DDI2: variants seen among roughly 807,000 people sequenced by gnomAD.
DDI2 encodes the protein protein DDI1 homolog 2.
Under a neutral mutation model 48.1 loss-of-function variants are expected in DDI2, and 5 were observed. The observed-to-expected ratio is 0.10, with a 90% CI of 0.05 to 0.22. The LOEUF (loss-of-function observed/expected upper bound fraction) is 0.22, where lower values mean the gene tolerates loss of function less well. Among genes scored for constraint, DDI2 ranks in the 10% least tolerant of loss-of-function variants. DDI2 has a pLI of 1.00. For missense variants in DDI2, 285 were observed against 506.2 expected (o/e 0.56, Z 4.19); for synonymous variants, 205 against 183.6 (o/e 1.12, Z -0.94).
chr1:15,665,343 T>A lies in DDI2; in HGVS notation c.*5553T>A, dbSNP rs1254214958. Reference sequence around the variant, plus strand: ...GCGAGTGCATGTGTTAAAACTCTTCTGCCTTGCAGCCCACATCTTCTAGAG... The same window carrying A: ...GCGAGTGCATGTGTTAAAACTCTTCAGCCTTGCAGCCCACATCTTCTAGAG... On this transcript the variant is annotated 3_prime_UTR_variant, in exon 10 of 10. Coordinates refer to ENST00000480945, the MANE Select transcript of DDI2 (RefSeq NM_032341.5). 6.6e-6 allele frequency: 1 copy of A among 152,064 alleles called. No homozygotes were observed. The highest frequency in any genetic ancestry group is 1.5e-5 in the Non-Finnish European group (1 of 68,088). 9.4% of individuals were successfully genotyped at this position (152,064 alleles called of 1,614,324 possible).
At chr1:15,636,823 G>C (rs866150324) in intron 4 of DDI2, among the ~76,000 whole-genome samples, 9 of 152,332 alleles carry the variant, frequency 5.9e-5, no homozygotes, top group African/African-American at 1.9e-4. Context: ...CATACAATCT[G>C]TGTTGCTCAT....
At chr1:15,656,293 T>A (rs1183450195) in intron 8 of DDI2, 2 of 672,946 alleles carry the variant, frequency 3.0e-6, no homozygotes, top group African/African-American at 3.8e-5. Flanking sequence ...AAGATTTTTT[T>A]AATCACCTAA....
chr1:15,656,686 A>G lies in DDI2; in HGVS notation c.*46+7A>G. 2 of 1,614,064 alleles carry G rather than the reference A, an allele frequency of 1.2e-6. No homozygotes were observed. The highest frequency in any genetic ancestry group is 1.1e-5 in the South Asian group (1 of 91,068). The stretch of plus-strand genomic sequence containing the variant: ...GGAGTGGGCCCCAGACCAGGTATTT[A>G]TAGACACCATGTTAAGCCTTCCATC... On this transcript the variant is annotated splice_region_variant and intron_variant, in intron 9 of 9. Coordinates refer to ENST00000480945, the MANE Select transcript of DDI2 (RefSeq NM_032341.5).
chr1:15,652,876 C>T (rs1404868322), intron 8 of DDI2, among the ~76,000 whole-genome samples: 1 of 150,762 alleles, frequency 6.6e-6, no homozygotes, highest in African/African-American at 2.4e-5. Flanking sequence ...CAGTGGCACA[C>T]CCCCCGTAAC....
Position 15,652,458 on chromosome 1 carries a change from G to T in DDI2, c.1183+563G>T, listed in dbSNP as rs910215483. Among the ~76,000 whole-genome samples the T allele has an allele frequency of 1.1e-4, 12 of 104,382 alleles. 1 individual carries two copies. Among genetic ancestry groups the T allele is most frequent in the South Asian group, 8.5e-4 (2 of 2,348 alleles). 68.5% of individuals were successfully genotyped at this position (104,382 alleles called of 152,430 possible). A position where few individuals can be genotyped will look rare whatever the true frequency, so the allele number is the denominator to read the frequency against. On this transcript the variant is annotated intron_variant, in intron 8 of 9. Transcript: ENST00000480945. ...CTTTGGGAGGCTCCGGAGGGGGGGG[G>T]GGGGGGGCGGATCACCTGAGGTCAG... is the stretch of plus-strand genomic sequence containing the variant.
At chr1:15,641,959 A>G (rs1324545699) in intron 5 of DDI2, among the ~76,000 whole-genome samples, 15 of 76,806 alleles carry the variant, frequency 2.0e-4, no homozygotes, top group African/African-American at 9.3e-4. Context: ...CAGTCTCAAA[A>G]AAAAAAAAAA....
At chr1:15,640,860 C>T (rs897128125) in intron 5 of DDI2, among the ~76,000 whole-genome samples, 2 of 151,842 alleles carry the variant, frequency 1.3e-5, no homozygotes, top group African/African-American at 4.8e-5. Context: ...GAGTGAGAGG[C>T]GAGGTCATTG....
At position 15,666,615 on chromosome 1, in the gene DDI2, A is replaced by G. The variant is rs1640456162; in HGVS notation, c.*6825A>G. ...GCTATGCAACATGAGTCTTTGAACA[A>G]GAATTCCTTGCTACTTTGATTCATT... On this transcript the variant is annotated 3_prime_UTR_variant, in exon 10 of 10. Transcript: ENST00000480945. 6.6e-6 allele frequency: 1 copy of G among 152,248 alleles called. No individual in the cohort carries two copies. The highest frequency in any genetic ancestry group is 1.5e-5 in the Non-Finnish European group (1 of 68,042). 9.4% of individuals were successfully genotyped at this position (152,248 alleles called of 1,614,324 possible).
At position 15,643,666 on chromosome 1, in the gene DDI2, T is replaced by C; in HGVS notation, c.889+16T>C. On this transcript the variant is annotated intron_variant, in intron 6 of 9. Transcript: ENST00000480945. ...GTACATCTAGGTGAGCAAAAGGCAC[T>C]GGGGCTTGCTGTCTTTCTGTAGGCT... The C allele has an allele frequency of 6.2e-7, 1 of 1,612,804 alleles. No homozygotes were observed. Among genetic ancestry groups the C allele is most frequent in the Non-Finnish European group, 8.5e-7 (1 of 1,179,478 alleles).
chr1:15,661,773 G>C lies in DDI2; in HGVS notation c.*1983G>C, dbSNP rs187749811. 975 of 1,539,958 alleles carry C rather than the reference G, an allele frequency of 6.3e-4. 5 individuals are homozygous for C. Among genetic ancestry groups the C allele is most frequent in the East Asian group, 9.1e-4 (40 of 44,196 alleles). On this transcript the variant is annotated 3_prime_UTR_variant, in exon 10 of 10. Coordinates refer to ENST00000480945, the MANE Select transcript of DDI2 (RefSeq NM_032341.5). ...CTCCATTCCCTTTAAACAAAAGAAA[G>C]CTCTCTCTATATACACGCACACATA...
chr1:15,656,018 G>A (rs180761983), intron 8 of DDI2, among the ~76,000 whole-genome samples: 4 of 152,018 alleles, frequency 2.6e-5, no homozygotes, highest in Non-Finnish European at 1.5e-5. Flanking sequence ...ACATGTTTTT[G>A]ATAGTAGGGA....
At chr1:15,641,065 G>A (rs529587649) in intron 5 of DDI2, among the ~76,000 whole-genome samples, 2 of 152,324 alleles carry the variant, frequency 1.3e-5, no homozygotes, top group South Asian at 2.1e-4. Flanking sequence ...AGAAATGGTG[G>A]AGCCAGGATG....
rs12097760 is a variant in DDI2, at chr1:15,656,008, A to C, written c.1184-609A>C. On this transcript the variant is annotated intron_variant, in intron 8 of 9. Transcript: ENST00000480945. ...TATATTAAAATGTTTTAAAAAAAAA[A>C]CATGTTTTTGATAGTAGGGATGGTG... 2.5e-4 allele frequency among the ~76,000 whole-genome samples: 38 copies of C among 152,224 alleles called. No homozygotes were observed. The South Asian group carries it at 4.8e-3, about 19-fold the overall frequency.
rs1329802773 is a variant in DDI2, at chr1:15,665,995, A to G, written c.*6205A>G. 1 of 152,202 alleles carries G rather than the reference A, an allele frequency of 6.6e-6. No individual in the cohort carries two copies. The highest frequency in any genetic ancestry group is 1.5e-5 in the Non-Finnish European group (1 of 68,030). 9.4% of individuals were successfully genotyped at this position (152,202 alleles called of 1,614,324 possible). A position where few individuals can be genotyped will look rare whatever the true frequency, so the allele number is the denominator to read the frequency against. ...ACTTAGTGTAGTCTGTGGCTGACCT[A>G]GAAAGACACAGAGTTATCAAGAGTT... On this transcript the variant is annotated 3_prime_UTR_variant, in exon 10 of 10. Transcript: ENST00000480945.
chr1:15,649,532 G>A (rs563053720), intron 6 of DDI2, among the ~76,000 whole-genome samples, 188 bp from the exon 7 acceptor site: 13 of 152,054 alleles, frequency 8.5e-5, no homozygotes, highest in African/African-American at 1.4e-4. Flanking sequence ...TTAGCCAGGC[G>A]TGGTGGCACA....
intron 8 of DDI2, among the ~76,000 whole-genome samples, 187 bp downstream of exon 8, chr1:15,652,082 T>TG (rs760326346): frequency 2.4e-4 from 28 of 119,076 alleles, no homozygotes; most frequent in Non-Finnish European, 4.8e-4. Context: ...TTTTTTTTTT[T>TG]GGAGACATTG....
At position 15,651,828 on chromosome 1, in the gene DDI2, T is replaced by A; in HGVS notation, c.1116T>A (p.Asp372Glu). The A allele has an allele frequency of 6.2e-7, 1 of 1,614,014 alleles. No homozygotes were observed. Among genetic ancestry groups the A allele is most frequent in the South Asian group, 1.1e-5 (1 of 91,070 alleles). Residue 372 changes from aspartate to glutamate, a missense_variant, in exon 8 of 10, where the codon GAT (aspartate) becomes GAA (glutamate). Physicochemically the swap from Asp to Glu is conservative, Grantham distance 45. Around this residue, in one of 3 missense-constraint regions of DDI2, gnomAD observed 66 missense variants for 87.3 expected, o/e 0.76. Coordinates refer to ENST00000480945, the MANE Select transcript of DDI2 (RefSeq NM_032341.5). ...TGGCATATGGGGCTGGAAGAGAGGA[T>A]GTACGGCCAGAGGAGATTGCAGACC... ...ARLAYGAGRE[D>E]VRPEEIADQE...
At chr1:15,658,611 A>G (rs1401746579) in intron 9 of DDI2, among the ~76,000 whole-genome samples, 1 of 151,798 alleles carries the variant, frequency 6.6e-6, no homozygotes, top group Non-Finnish European at 1.5e-5. Flanking sequence ...AAAAATGCAA[A>G]ATTAGTCGGG....
intron 1 of DDI2, among the ~76,000 whole-genome samples, chr1:15,621,771 A>G (rs1446309771): frequency 1.3e-5 from 2 of 152,202 alleles, no homozygotes; most frequent in Non-Finnish European, 2.9e-5. Flanking sequence ...TGAGCATAAT[A>G]TTGGGGAAAA....
Sources: gnomAD v4.1 joint callset for allele counts (sites outside exome capture counted in the v4.1 genomes callset) on GRCh38, gnomAD v4.1.1 for gene constraint, gnomAD v4.1.1 regional missense constraint, MANE v1.5 for transcripts, NCBI Gene and HGNC (gene_info 2026-07-23, HGNC 2026-07-21) for gene names.